The following USH2A variants were observed in gnomAD, a reference collection of about 807,000 sequenced individuals.
USH2A encodes the protein usherin.
Under a neutral mutation model 538.9 loss-of-function variants are expected in USH2A, and 443 were observed. The ratio of observed to expected loss-of-function variants is 0.82; its 90% CI spans 0.76 to 0.89. The LOEUF (loss-of-function observed/expected upper bound fraction) is 0.89, where lower values mean the gene tolerates loss of function less well. Among genes scored for constraint, USH2A ranks in the 40% least tolerant of loss-of-function variants. USH2A has a pLI of 0.00. For synonymous variants in USH2A, 2,413 were observed against 2,273.5 expected (o/e 1.06, Z -1.75); for missense variants, 6,633 against 6,324.8 (o/e 1.05, Z -1.65).
At chr1:215,677,986 T>C (rs1658089524) in intron 62 of USH2A, among the ~76,000 whole-genome samples, 2 of 152,178 alleles carry the variant, frequency 1.3e-5, no homozygotes, top group South Asian at 2.1e-4. Context: ...CCAAAACTCA[T>C]CTCAAAGCGC....
At chr1:216,253,914 C>T (rs2102556021) in intron 11 of USH2A, among the ~76,000 whole-genome samples, 1 of 152,306 alleles carries the variant, frequency 6.6e-6, no homozygotes, top group East Asian at 1.9e-4. Context: ...CTACCATCTT[C>T]TGTGGCTTCT....
At chr1:215,642,974 A>G (rs536552687) in intron 67 of USH2A, among the ~76,000 whole-genome samples, 5 of 152,222 alleles carry the variant, frequency 3.3e-5, no homozygotes, top group Non-Finnish European at 7.4e-5. Context: ...TCTATATAAA[A>G]CTGCATATTC....
chr1:215,627,457 C>CCTTCCTTCT (rs1656090679), intron 71 of USH2A, among the ~76,000 whole-genome samples: 8 of 117,916 alleles, frequency 6.8e-5, no homozygotes, highest in African/African-American at 1.2e-4. Flanking sequence ...TCCTTCCTTC[C>CCTTCCTTCT]TTCCTTCCTT....
intron 21 of USH2A, among the ~76,000 whole-genome samples, chr1:216,138,424 G>A (rs569639350): frequency 6.1e-4 from 93 of 152,298 alleles, no homozygotes; most frequent in African/African-American, 2.1e-3. Context: ...TATGTAGTCC[G>A]TGCAGCTATT....
In USH2A at chr1:216,422,171, C is replaced by T. The variant is rs2102788940; in HGVS notation, c.166G>A (p.Ala56Thr). ...FKKVSIVPTQ[A>T]VCGLPDRSTF... ...CTTCGGTCTGGGAGTCCACATACTGCTTGGGTTGGCACGATGGAAACTTTC... is the reference window on the plus strand; with the variant it reads ...CTTCGGTCTGGGAGTCCACATACTGTTTGGGTTGGCACGATGGAAACTTTC... The change falls in exon 2 of 72, where the codon GCA (alanine) becomes ACA (threonine). Residue 56 changes from alanine to threonine, a missense_variant. Transcript: ENST00000307340. 1.2e-6 allele frequency: 2 copies of T among 1,613,522 alleles called. No homozygotes were observed. The highest frequency in any genetic ancestry group is 1.3e-5 in the African/African-American group (1 of 75,006).
chr1:216,282,840 T>C, intron 11 of USH2A, among the ~76,000 whole-genome samples: 1 of 152,314 alleles, frequency 6.6e-6, no homozygotes, highest in Admixed American at 6.5e-5. Context: ...AGTCTTCTGA[T>C]ACATGAGCAT....
chr1:215,791,081 A>C (rs1027076643), intron 50 of USH2A, among the ~76,000 whole-genome samples: 2 of 152,202 alleles, frequency 1.3e-5, no homozygotes, highest in Admixed American at 6.5e-5. Flanking sequence ...ATTTAGTTTA[A>C]TTACCTGCAT....
chr1:216,013,509 C>G lies in USH2A; in HGVS notation c.6326-12947G>C, dbSNP rs553065655. On this transcript the variant is annotated intron_variant, in intron 32 of 71. Transcript: ENST00000307340. ...GCCATCATATCCCCTGTGACCTGCA[C>G]GTACACATCCAGATGGCCGGTTCCT... Among the ~76,000 whole-genome samples, 32 of 152,236 alleles carry G rather than the reference C, an allele frequency of 2.1e-4. 1 individual carries two copies. In the East Asian group the frequency reaches 5.2e-3, roughly 25 times the overall value.
In USH2A at chr1:216,246,904, C is replaced by T. The variant is rs1320968899; in HGVS notation, c.2490G>A (p.Leu830=). ...TTTGCCGTAGGTAGAAGTTTCCCTC[C>T]AAACATTTATTGCACTGTCTCCCTT... ...NVEGRQCNKC[L]EGNFYLRQNN... is the part of the protein sequence containing the mutation. Residue 830 remains leucine (L), a synonymous_variant, in exon 13 of 72, where the codon TTG becomes TTA. Transcript: ENST00000307340. The T allele has an allele frequency of 6.2e-7, 1 of 1,614,126 alleles. No homozygotes were observed. The highest frequency in any genetic ancestry group is 1.1e-5 in the South Asian group (1 of 91,086).
chr1:216,033,132 G>A lies in USH2A; in HGVS notation c.6325+13299C>T, dbSNP rs148271190. On this transcript the variant is annotated intron_variant, in intron 32 of 71. Coordinates refer to ENST00000307340, the MANE Select transcript of USH2A (RefSeq NM_206933.4). The stretch of plus-strand genomic sequence containing the variant: ...TCCAGAGCTCCCTTGGAAGTCATGT[G>A]TTAAATAAGACAGAATCTGAATCTG... Among the ~76,000 whole-genome samples, 16 of 152,280 alleles carry A rather than the reference G, an allele frequency of 1.1e-4. 1 individual carries two copies. The East Asian group carries it at 2.9e-3, about 28-fold the overall frequency.
At chr1:216,374,045 T>C (rs931531538) in intron 3 of USH2A, among the ~76,000 whole-genome samples, 6 of 137,432 alleles carry the variant, frequency 4.4e-5, no homozygotes, top group Non-Finnish European at 6.0e-5. Context: ...TAGGTGGGAA[T>C]TGAACAATGA....
intron 37 of USH2A, among the ~76,000 whole-genome samples, chr1:215,946,167 T>C (rs1319735288): frequency 6.6e-6 from 1 of 152,202 alleles, no homozygotes; most frequent in Non-Finnish European, 1.5e-5. Flanking sequence ...TCACAAATGA[T>C]GGACCTATAG....
chr1:215,726,317 A>T (rs895647124), intron 61 of USH2A, among the ~76,000 whole-genome samples: 3 of 152,218 alleles, frequency 2.0e-5, no homozygotes, highest in African/African-American at 7.2e-5. Flanking sequence ...GACATAATAT[A>T]AAAGACTCTA....
At chr1:216,347,783 T>C (rs1251411263) in intron 4 of USH2A, among the ~76,000 whole-genome samples, 1 of 152,150 alleles carries the variant, frequency 6.6e-6, no homozygotes, top group Non-Finnish European at 1.5e-5. Flanking sequence ...TAGAAAATTG[T>C]TGACCTGTTT....
rs993184783 is a variant in USH2A at position 216,042,813 on chromosome 1, G to A, written c.6325+3618C>T. ...TCCATATCACTGATATAAAATCTGTGGTCGTAAGAGTGGGAACCTCATCCA... is the reference window on the plus strand; with the variant it reads ...TCCATATCACTGATATAAAATCTGTAGTCGTAAGAGTGGGAACCTCATCCA... On this transcript the variant is annotated intron_variant, in intron 32 of 71. Coordinates refer to ENST00000307340, the MANE Select transcript of USH2A (RefSeq NM_206933.4). 4.6e-5 allele frequency among the ~76,000 whole-genome samples: 7 copies of A among 152,100 alleles called. 1 individual carries two copies. The highest frequency in any genetic ancestry group is 5.9e-5 in the Non-Finnish European group (4 of 68,000).
chr1:215,765,306 T>C (rs1376664450), intron 56 of USH2A, among the ~76,000 whole-genome samples: 1 of 152,148 alleles, frequency 6.6e-6, no homozygotes, highest in African/African-American at 2.4e-5. Flanking sequence ...CTTTTTGACA[T>C]GAAACATTCT....
At chr1:216,274,404 T>C (rs1027747791) in intron 11 of USH2A, among the ~76,000 whole-genome samples, 6 of 152,130 alleles carry the variant, frequency 3.9e-5, no homozygotes, top group Admixed American at 3.3e-4. Flanking sequence ...TTTATTTGTC[T>C]ATATTTATAC....
chr1:216,120,345 G>C (rs2033105735), intron 21 of USH2A, among the ~76,000 whole-genome samples: 1 of 150,138 alleles, frequency 6.7e-6, no homozygotes, highest in Non-Finnish European at 1.5e-5. Flanking sequence ...GGCCAGCCTG[G>C]CCAACACGGT....
At chr1:216,286,475 T>C (rs918668799) in intron 11 of USH2A, among the ~76,000 whole-genome samples, 1 of 152,140 alleles carries the variant, frequency 6.6e-6, no homozygotes, top group African/African-American at 2.4e-5. Context: ...ATGCCTGTAA[T>C]CCTAGCACTT....
Sources: gnomAD v4.1 joint callset for allele counts (sites outside exome capture counted in the v4.1 genomes callset) on GRCh38, gnomAD v4.1.1 for gene constraint, MANE v1.5 for transcripts, NCBI Gene and HGNC (gene_info 2026-07-23, HGNC 2026-07-21) for gene names.